PDE4D: variants seen among roughly 807,000 people sequenced by gnomAD.
The protein encoded by PDE4D is phosphodiesterase 4D.
A neutral mutation model predicts 87.4 loss-of-function variants in PDE4D; 24 were observed. The observed-to-expected ratio is 0.27, with a 90% CI of 0.20 to 0.39. PDE4D has a LOEUF of 0.39. Ranked by LOEUF, PDE4D falls within the 10% of genes least tolerant of loss-of-function variation. The pLI is 1.00. For missense variants in PDE4D, 714 were observed against 1,041.0 expected (o/e 0.69, Z 4.32); for synonymous variants, 384 against 383.2 (o/e 1.00, Z -0.02).
chr5:59,840,613 A>G (rs1345313677), intron 1 of PDE4D, among the ~76,000 whole-genome samples: 2 of 151,986 alleles, frequency 1.3e-5, no homozygotes, highest in African/African-American at 4.8e-5. Flanking sequence ...GCCTGGAAAA[A>G]GGGAGATTTA....
At chr5:59,612,164 A>C in intron 1 of PDE4D, among the ~76,000 whole-genome samples, 1 of 152,204 alleles carries the variant, frequency 6.6e-6, no homozygotes, top group Non-Finnish European at 1.5e-5. Flanking sequence ...GAGCAACAGC[A>C]CAGTCAAGTT....
intron 1 of PDE4D, among the ~76,000 whole-genome samples, chr5:60,351,236 CA>C (rs1452113969): frequency 6.6e-6 from 1 of 152,184 alleles, no homozygotes; most frequent in Non-Finnish European, 1.5e-5. Context: ...TGACAGAGAT[CA>C]CCTACTTTAT....
chr5:60,305,971 A>C (rs1295544938), intron 1 of PDE4D, among the ~76,000 whole-genome samples: 2 of 152,100 alleles, frequency 1.3e-5, no homozygotes, highest in Non-Finnish European at 2.9e-5. Flanking sequence ...TCAATTAATG[A>C]AGTTGGTCTA....
At chr5:58,979,363 C>T (rs1321490198) in intron 11 of PDE4D, among the ~76,000 whole-genome samples, 3 of 152,174 alleles carry the variant, frequency 2.0e-5, no homozygotes, top group Admixed American at 1.3e-4. Flanking sequence ...CCTCTTCCAT[C>T]TCAGATGCTG....
chr5:60,084,674 T>G (rs955066834), intron 2 of PDE4D, among the ~76,000 whole-genome samples: 18 of 152,244 alleles, frequency 1.2e-4, no homozygotes, highest in African/African-American at 4.3e-4. Flanking sequence ...CTCTTAAAGT[T>G]TGTCACTGCA....
At chr5:59,645,094 T>C (rs568433145) in intron 1 of PDE4D, among the ~76,000 whole-genome samples, 4 of 152,302 alleles carry the variant, frequency 2.6e-5, no homozygotes, top group Non-Finnish European at 5.9e-5. Context: ...TTCTAAGAAA[T>C]ACCCCTTGAG....
At chr5:59,876,136 T>TA (rs1748574253) in intron 1 of PDE4D, among the ~76,000 whole-genome samples, 1 of 152,186 alleles carries the variant, frequency 6.6e-6, no homozygotes, top group Admixed American at 6.5e-5. Context: ...CAACAACATA[T>TA]ATATTCTATA....
intron 1 of PDE4D, among the ~76,000 whole-genome samples, chr5:60,368,759 T>C (rs1224919759): frequency 6.6e-6 from 1 of 152,074 alleles, no homozygotes; most frequent in Non-Finnish European, 1.5e-5. Context: ...TTGTTGAAAG[T>C]GTGTACCAGC....
chr5:59,443,316 A>AT (rs1797906836), intron 1 of PDE4D, among the ~76,000 whole-genome samples: 1 of 152,196 alleles, frequency 6.6e-6, no homozygotes, highest in South Asian at 2.1e-4. Flanking sequence ...CAATCTGATC[A>AT]TTTTTCTTAT....
At chr5:59,080,628 A>G (rs1391651) in intron 5 of PDE4D, among the ~76,000 whole-genome samples, 97,150 of 152,014 alleles carry the variant, frequency 0.64, 31,251 homozygotes, top group East Asian at 0.81. Flanking sequence ...GGCAAAAGCT[A>G]CAGGGCAAAA....
At chr5:59,444,060 T>C (rs1258507767) in intron 1 of PDE4D, among the ~76,000 whole-genome samples, 2 of 152,200 alleles carry the variant, frequency 1.3e-5, no homozygotes, top group African/African-American at 2.4e-5. Context: ...TCCAGTGCTT[T>C]TCTGCAACGA....
intron 1 of PDE4D, among the ~76,000 whole-genome samples, chr5:59,829,944 T>C (rs1025524436): frequency 2.0e-5 from 3 of 151,990 alleles, no homozygotes; most frequent in Non-Finnish European, 4.4e-5. Context: ...TTAAAAAAAA[T>C]CTCCTTTAGC....
chr5:59,836,252 T>A (rs1414747993), intron 1 of PDE4D, among the ~76,000 whole-genome samples: 2 of 152,040 alleles, frequency 1.3e-5, no homozygotes, highest in Non-Finnish European at 2.9e-5. Context: ...ACTTTATTAT[T>A]TATGTAACCA....
intron 5 of PDE4D, among the ~76,000 whole-genome samples, chr5:59,082,539 C>A (rs796758901): frequency 2.2e-4 from 34 of 151,956 alleles, no homozygotes; most frequent in African/African-American, 8.0e-4. Flanking sequence ...AGGTTTTTTT[C>A]TATATACCAG....
intron 2 of PDE4D, among the ~76,000 whole-genome samples, chr5:60,180,891 G>A (rs1413952998): frequency 6.6e-6 from 1 of 152,086 alleles, no homozygotes; most frequent in African/African-American, 2.4e-5. Context: ...AAAAAAATCA[G>A]TTTATACATC....
intron 1 of PDE4D, among the ~76,000 whole-genome samples, chr5:60,221,224 C>T (rs765177244): frequency 2.0e-5 from 3 of 151,776 alleles, no homozygotes; most frequent in East Asian, 3.9e-4. Context: ...AAATACCAAA[C>T]GTTCTTATTT....
chr5:59,048,497 A>G (rs17720311), intron 5 of PDE4D, among the ~76,000 whole-genome samples: 35,384 of 152,070 alleles, frequency 0.23, 5,084 homozygotes, highest in Middle Eastern at 0.39. Context: ...AAATTGTACT[A>G]TCTGGGTTAG....
chr5:59,313,716 A>T (rs570119894), intron 1 of PDE4D, among the ~76,000 whole-genome samples: 20 of 152,164 alleles, frequency 1.3e-4, no homozygotes, highest in Admixed American at 2.6e-4. Flanking sequence ...CCAAATATAT[A>T]TACAGAGAGT....
At chr5:59,574,101 TATTTATATATATATATAA>T (rs1405014974) in intron 1 of PDE4D, among the ~76,000 whole-genome samples, 238 of 3,040 alleles carry the variant, frequency 0.078, 5 homozygotes, top group African/African-American at 0.15. Flanking sequence ...TATAAATATA[TATTTATATATATATATAA>T]ATATATATTT....
Sources: allele counts gnomAD v4.1 joint callset (sites outside exome capture counted in the v4.1 genomes callset), GRCh38; gene constraint gnomAD v4.1.1; transcripts MANE v1.5; gene names NCBI Gene and HGNC (gene_info 2026-07-23, HGNC 2026-07-21).